THSD4: variants seen among roughly 807,000 people sequenced by gnomAD.
THSD4 encodes the protein thrombospondin type 1 domain containing 4.
THSD4 carries 69 observed loss-of-function variants against 119.0 expected under a neutral mutation model. That is an observed-to-expected ratio of 0.58 (90% confidence interval 0.48 to 0.71). THSD4 has a LOEUF of 0.71. Among genes scored for constraint, THSD4 ranks in the 30% least tolerant of loss-of-function variants. The pLI is 0.00. For synonymous variants in THSD4, 524 were observed against 540.4 expected (o/e 0.97, Z 0.42); for missense variants, 1,393 against 1,391.1 (o/e 1.00, Z -0.02).
intron 7 of THSD4, among the ~76,000 whole-genome samples, chr15:71,620,230 T>G (rs1457695000): frequency 6.6e-6 from 1 of 152,150 alleles, no homozygotes; most frequent in Non-Finnish European, 1.5e-5. Flanking sequence ...ATTGAGTTGT[T>G]AAGAATGAAG....
At chr15:71,352,205 ATGTT>A in intron 6 of THSD4, among the ~76,000 whole-genome samples, 1 of 152,262 alleles carries the variant, frequency 6.6e-6, no homozygotes, top group South Asian at 2.1e-4. Flanking sequence ...AACATGCTGA[ATGTT>A]CATTTGGAAA....
intron 7 of THSD4, among the ~76,000 whole-genome samples, chr15:71,619,305 T>A (rs778352968): frequency 7.2e-5 from 11 of 152,172 alleles, no homozygotes; most frequent in Non-Finnish European, 1.5e-4. Context: ...TCTGCATCTT[T>A]ACATATCTTA....
chr15:71,141,893 C>T (rs2040608316), intron 2 of THSD4, among the ~76,000 whole-genome samples: 1 of 152,136 alleles, frequency 6.6e-6, no homozygotes, highest in Non-Finnish European at 1.5e-5. Flanking sequence ...CACCTGAGGT[C>T]AGGAGTTCAA....
At chr15:71,752,665 C>T (rs1295043612) in intron 14 of THSD4, among the ~76,000 whole-genome samples, 4 of 152,286 alleles carry the variant, frequency 2.6e-5, no homozygotes, top group Non-Finnish European at 4.4e-5. Flanking sequence ...TACTGATTCA[C>T]CGAGCTTCAG....
intron 6 of THSD4, among the ~76,000 whole-genome samples, chr15:71,390,253 A>C (rs899802464): frequency 1.3e-5 from 2 of 152,344 alleles, no homozygotes; most frequent in Admixed American, 6.5e-5. Context: ...CAAGGGCTTA[A>C]GAGAGCTCAT....
intron 14 of THSD4, among the ~76,000 whole-genome samples, chr15:71,755,524 T>C (rs2053522150): frequency 6.6e-6 from 1 of 151,994 alleles, no homozygotes. Flanking sequence ...GCTTTGGTCA[T>C]GTGCTAAAGG....
chr15:71,745,046 C>A, intron 11 of THSD4, 60 bp from the exon 12 acceptor site: 1 of 1,564,694 alleles, frequency 6.4e-7, no homozygotes, highest in Non-Finnish European at 8.7e-7. Flanking sequence ...TGCATCTCCA[C>A]CCATAGCCCA....
chr15:71,758,185 G>A, intron 15 of THSD4, 110 bp downstream of exon 15: 2 of 1,301,470 alleles, frequency 1.5e-6, no homozygotes, highest in Non-Finnish European at 1.0e-6. Context: ...AATCCCAGCA[G>A]TGCCACTGTC....
chr15:71,213,715 C>G (rs1228203061), intron 3 of THSD4, among the ~76,000 whole-genome samples: 1 of 140,440 alleles, frequency 7.1e-6, no homozygotes, highest in East Asian at 2.1e-4. Context: ...GGGTATAGAT[C>G]ACTCTTTGGA....
intron 7 of THSD4, among the ~76,000 whole-genome samples, chr15:71,594,211 C>T (rs1226169238): frequency 1.4e-5 from 2 of 142,604 alleles, no homozygotes; most frequent in Non-Finnish European, 1.5e-5. Context: ...TGGATGAATC[C>T]TTTTTTTTTT....
At chr15:71,514,492 C>T (rs1022087654) in intron 7 of THSD4, among the ~76,000 whole-genome samples, 5 of 152,158 alleles carry the variant, frequency 3.3e-5, no homozygotes, top group Non-Finnish European at 7.4e-5. Flanking sequence ...TGGAATGTTA[C>T]AAATCAATTC....
chr15:71,398,716 G>C (rs920795476), intron 6 of THSD4, among the ~76,000 whole-genome samples: 10 of 152,100 alleles, frequency 6.6e-5, no homozygotes, highest in Non-Finnish European at 1.2e-4. Context: ...CAGCCAGGGG[G>C]TGCAGAAAGA....
At chr15:71,138,183 T>C (rs949254151) in intron 1 of THSD4, among the ~76,000 whole-genome samples, 9 of 152,018 alleles carry the variant, frequency 5.9e-5, no homozygotes, top group African/African-American at 2.2e-4. Flanking sequence ...AAACTTACAA[T>C]CATGGTGGAA....
intron 7 of THSD4, among the ~76,000 whole-genome samples, chr15:71,609,412 G>A (rs2050176795): frequency 1.3e-5 from 2 of 152,150 alleles, no homozygotes; most frequent in Admixed American, 1.3e-4. Flanking sequence ...CAGACCTGAA[G>A]GTCAGAGGTA....
At chr15:71,098,189 C>CT (rs55726832) in intron 1 of THSD4, among the ~76,000 whole-genome samples, 8,379 of 83,004 alleles carry the variant, frequency 0.1, 43 homozygotes, top group African/African-American at 0.12. Context: ...AATTCTTTCA[C>CT]TTTTTTTTTT....
At chr15:71,354,567 T>C (rs1451497318) in intron 6 of THSD4, among the ~76,000 whole-genome samples, 2 of 152,246 alleles carry the variant, frequency 1.3e-5, no homozygotes, top group Non-Finnish European at 2.9e-5. Context: ...TTGAATGCCC[T>C]TTATGTGCCA....
chr15:71,498,455 T>C (rs1400437682), intron 7 of THSD4, among the ~76,000 whole-genome samples: 4 of 152,186 alleles, frequency 2.6e-5, no homozygotes, highest in Admixed American at 6.5e-5. Flanking sequence ...AAACAGTGCT[T>C]TATTGTCTTT....
rs568270380 is a variant in THSD4, at chr15:71,117,423, T to C, written c.-80+1725T>C. ...AGGCTGTGTATTGCCGTCTTCTCCA[T>C]CCCCCACATTTCTCTCCATGGTACC... On this transcript the variant is annotated intron_variant, in intron 1 of 17. Transcript: ENST00000261862. Among the ~76,000 whole-genome samples, 6 of 152,190 alleles carry C rather than the reference T, an allele frequency of 3.9e-5. No individual in the cohort carries two copies. The East Asian group carries it at 1.2e-3, about 29-fold the overall frequency.
intron 8 of THSD4, among the ~76,000 whole-genome samples, chr15:71,672,378 G>T (rs1250095470): frequency 2.0e-5 from 3 of 152,250 alleles, no homozygotes; most frequent in Admixed American, 2.0e-4. Flanking sequence ...AGCTTAAGGA[G>T]ATTTGGGGCT....
Sources: allele counts gnomAD v4.1 joint callset (sites outside exome capture counted in the v4.1 genomes callset), GRCh38; gene constraint gnomAD v4.1.1; transcripts MANE v1.5; gene names NCBI Gene and HGNC (gene_info 2026-07-23, HGNC 2026-07-21).